TRHDE: variants seen among roughly 807,000 people sequenced by gnomAD.
TRHDE encodes the protein thyrotropin releasing hormone degrading enzyme.
Under a neutral mutation model 125.7 loss-of-function variants are expected in TRHDE, and 72 were observed. That is an observed-to-expected ratio of 0.57 (90% CI 0.47 to 0.70). The LOEUF is 0.70. Among genes scored for constraint, TRHDE ranks in the 30% least tolerant of loss-of-function variants. The pLI, the probability that TRHDE is intolerant of heterozygous loss-of-function variation, is 0.00. For synonymous variants in TRHDE, 509 were observed against 509.1 expected, an observed-to-expected ratio of 1.00 and a Z score of 0.00; for missense variants, 1,110 against 1,327.1, an observed-to-expected ratio of 0.84 and a Z score of 2.54.
chr12:72,135,200 G>A (rs553364927), intron 2 of TRHDE, among the ~76,000 whole-genome samples: 2 of 152,310 alleles, frequency 1.3e-5, no homozygotes, highest in African/African-American at 4.8e-5. Flanking sequence ...TTCCAGAGGC[G>A]TAATCGGAAT....
At chr12:72,161,839 T>A (rs1876644667) in intron 2 of TRHDE, among the ~76,000 whole-genome samples, 1 of 152,234 alleles carries the variant, frequency 6.6e-6, no homozygotes, top group Admixed American at 6.5e-5. Context: ...CTAACAGATA[T>A]GTTTATTTGA....
intron 1 of TRHDE, among the ~76,000 whole-genome samples, chr12:72,088,603 G>A (rs992523964): frequency 4.0e-5 from 6 of 151,596 alleles, no homozygotes; most frequent in Admixed American, 1.3e-4. Flanking sequence ...GCTGCGCCTC[G>A]GTTCTCTCAT....
At chr12:72,296,457 A>G (rs1173989382) in intron 2 of TRHDE, among the ~76,000 whole-genome samples, 1 of 152,206 alleles carries the variant, frequency 6.6e-6, no homozygotes, top group Non-Finnish European at 1.5e-5. Context: ...GGTTCCTGTG[A>G]GCAGAAAGAC....
At chr12:72,120,558 T>G (rs1404334067) in intron 2 of TRHDE, among the ~76,000 whole-genome samples, 4 of 152,116 alleles carry the variant, frequency 2.6e-5, no homozygotes, top group African/African-American at 9.7e-5. Context: ...TAACATCTTA[T>G]AACCCATTAT....
chr12:72,108,912 G>A (rs1183483734), intron 2 of TRHDE, among the ~76,000 whole-genome samples: 1 of 152,016 alleles, frequency 6.6e-6, no homozygotes, highest in African/African-American at 2.4e-5. Context: ...GGAAGCATTT[G>A]TGTTATAGGT....
At chr12:72,312,628 T>C (rs1024434858) in intron 2 of TRHDE, among the ~76,000 whole-genome samples, 2 of 152,220 alleles carry the variant, frequency 1.3e-5, no homozygotes, top group Non-Finnish European at 2.9e-5. Context: ...TCAGAGAATA[T>C]GAACACATTT....
intron 1 of TRHDE, among the ~76,000 whole-genome samples, chr12:72,102,520 C>T (rs534132612): frequency 1.3e-5 from 2 of 152,258 alleles, no homozygotes; most frequent in East Asian, 1.9e-4. Context: ...AACCTTAACC[C>T]TAAATTTGGT....
intron 4 of TRHDE, among the ~76,000 whole-genome samples, chr12:72,471,306 C>A (rs1176507636): frequency 6.6e-6 from 1 of 152,134 alleles, no homozygotes; most frequent in Admixed American, 6.5e-5. Context: ...ATGACTGGGG[C>A]TCCTAGTCTG....
At position 72,669,203 on chromosome 12, in the gene TRHDE, C is replaced by A. The variant is rs142365468; in HGVS notation, c.*6008C>A. 1 of 151,690 alleles carries A rather than the reference C, an allele frequency of 6.6e-6. No homozygotes were observed. Among genetic ancestry groups the A allele is most frequent in the African/African-American group, 2.4e-5 (1 of 41,386 alleles). The allele number at this position is 151,690 out of a possible 1,614,324, so 9.4% of individuals were successfully genotyped here. On this transcript the variant is annotated 3_prime_UTR_variant, in exon 19 of 19. Transcript: ENST00000261180. ...AGTGGACCACAAAGTTAAGGTTAAA[C>A]TTCTGTCTTTGCATGTGGAGGAGAC...
At chr12:72,335,927 G>A (rs1869811333) in intron 2 of TRHDE, among the ~76,000 whole-genome samples, 1 of 152,122 alleles carries the variant, frequency 6.6e-6, no homozygotes, top group Non-Finnish European at 1.5e-5. Context: ...AAATGCTAGT[G>A]AGCAAGTTGG....
chr12:72,279,784 C>CATTT (rs1879625748), intron 1 of TRHDE, among the ~76,000 whole-genome samples: 1 of 152,124 alleles, frequency 6.6e-6, no homozygotes, highest in African/African-American at 2.4e-5. Flanking sequence ...GTGGACCTGA[C>CATTT]ATTTATAGAA....
At chr12:72,515,097 T>C (rs1466514671) in intron 6 of TRHDE, among the ~76,000 whole-genome samples, 3 of 130,840 alleles carry the variant, frequency 2.3e-5, no homozygotes, top group Non-Finnish European at 4.7e-5. Flanking sequence ...GCAATAAACA[T>C]ACGTGTGCAT....
intron 5 of TRHDE, among the ~76,000 whole-genome samples, chr12:72,495,150 A>G (rs183175906): frequency 6.9e-6 from 1 of 145,756 alleles, no homozygotes; most frequent in East Asian, 2.0e-4. Flanking sequence ...TCATCGACTA[A>G]GGGAACCAAG....
intron 2 of TRHDE, among the ~76,000 whole-genome samples, chr12:72,339,408 C>G (rs961252520): frequency 6.6e-6 from 1 of 152,084 alleles, no homozygotes; most frequent in African/African-American, 2.4e-5. Context: ...ATGCCTTAAC[C>G]CTTACACCTA....
At chr12:72,547,194 C>T (rs1391641905) in intron 7 of TRHDE, among the ~76,000 whole-genome samples, 1 of 150,992 alleles carries the variant, frequency 6.6e-6, no homozygotes, top group Non-Finnish European at 1.5e-5. Flanking sequence ...GTATTAACTC[C>T]TTTATTCATC....
At chr12:72,372,483 G>T (rs1871651871) in intron 2 of TRHDE, among the ~76,000 whole-genome samples, 1 of 152,158 alleles carries the variant, frequency 6.6e-6, no homozygotes, top group African/African-American at 2.4e-5. Context: ...GTCCTGAATG[G>T]TAATGCCTAG....
chr12:72,242,284 G>A (rs148430574), intron 2 of TRHDE, among the ~76,000 whole-genome samples: 123 of 152,184 alleles, frequency 8.1e-4, no homozygotes, highest in African/African-American at 2.7e-3. Flanking sequence ...TGTCTCCCCA[G>A]CAATTTATAG....
At chr12:72,415,002 G>A (rs542885300) in intron 3 of TRHDE, among the ~76,000 whole-genome samples, 1 of 152,070 alleles carries the variant, frequency 6.6e-6, no homozygotes, top group Non-Finnish European at 1.5e-5. Flanking sequence ...CTGACCTGAG[G>A]CCTATGCAGG....
At chr12:72,594,016 C>G (rs1226241135) in intron 12 of TRHDE, among the ~76,000 whole-genome samples, 1 of 152,112 alleles carries the variant, frequency 6.6e-6, no homozygotes, top group Non-Finnish European at 1.5e-5. Context: ...TTTATAATCC[C>G]TTGGGTATAT....
Sources: gnomAD v4.1 joint callset for allele counts (sites outside exome capture counted in the v4.1 genomes callset) on GRCh38, gnomAD v4.1.1 for gene constraint, MANE v1.5 for transcripts, NCBI Gene and HGNC (gene_info 2026-07-23, HGNC 2026-07-21) for gene names.